PRKD1: variants seen among roughly 807,000 people sequenced by gnomAD.
PRKD1 encodes the protein protein kinase D1.
A neutral mutation model predicts 95.9 loss-of-function variants in PRKD1; 63 were observed. The observed-to-expected ratio is 0.66, with a 90% CI of 0.54 to 0.81. PRKD1 has a LOEUF of 0.81. PRKD1 is among the 30% of genes least tolerant of loss of function. The probability of loss-of-function intolerance (pLI) is 0.00; values close to 1 mark genes in which losing one functional copy is unlikely to be tolerated. For missense variants in PRKD1, 1,048 were observed against 1,165.3 expected (o/e 0.90, Z 1.47); for synonymous variants, 425 against 423.1 (o/e 1.00, Z -0.05).
chr14:29,644,771 T>A (rs1319894527), intron 4 of PRKD1, among the ~76,000 whole-genome samples: 1 of 152,110 alleles, frequency 6.6e-6, no homozygotes, highest in Non-Finnish European at 1.5e-5. Flanking sequence ...TTATACCTCA[T>A]GTATAAATAA....
intron 1 of PRKD1, among the ~76,000 whole-genome samples, chr14:29,918,129 A>T (rs1894956709): frequency 6.6e-6 from 1 of 152,110 alleles, no homozygotes; most frequent in African/African-American, 2.4e-5. Flanking sequence ...ACACAAGAAA[A>T]GATAAGTCTG....
chr14:29,658,214 C>G (rs180808317), intron 4 of PRKD1, among the ~76,000 whole-genome samples: 2 of 152,176 alleles, frequency 1.3e-5, no homozygotes, highest in Admixed American at 1.3e-4. Context: ...TCAACTTCAG[C>G]TGCATGCTGT....
intron 1 of PRKD1, among the ~76,000 whole-genome samples, chr14:29,748,577 T>C (rs778623734): frequency 6.6e-6 from 1 of 152,234 alleles, no homozygotes; most frequent in Non-Finnish European, 1.5e-5. Flanking sequence ...ACATAGGCCC[T>C]CAGCTCTTCT....
chr14:29,790,294 A>T (rs1274874907), intron 1 of PRKD1, among the ~76,000 whole-genome samples: 2 of 152,032 alleles, frequency 1.3e-5, no homozygotes, highest in East Asian at 3.9e-4. Context: ...TGTTTATGGG[A>T]TTACAAGTGT....
intron 1 of PRKD1, among the ~76,000 whole-genome samples, chr14:29,771,344 A>C (rs773058965): frequency 3.7e-4 from 56 of 152,140 alleles, no homozygotes; most frequent in Admixed American, 4.6e-4. Flanking sequence ...AACTATGTCA[A>C]ACAAGGGCTC....
chr14:29,740,273 G>C (rs920353912), intron 1 of PRKD1, among the ~76,000 whole-genome samples: 3 of 152,040 alleles, frequency 2.0e-5, no homozygotes, highest in Non-Finnish European at 4.4e-5. Flanking sequence ...TTTCATAAAG[G>C]CTAAATGTTT....
At chr14:29,711,991 C>T (rs1885355751) in intron 2 of PRKD1, among the ~76,000 whole-genome samples, 1 of 152,240 alleles carries the variant, frequency 6.6e-6, no homozygotes, top group East Asian at 1.9e-4. Context: ...TCAACTTAGA[C>T]ATTTAAACTT....
chr14:29,903,793 AG>A (rs1393017313), intron 1 of PRKD1, among the ~76,000 whole-genome samples: 1 of 152,232 alleles, frequency 6.6e-6, no homozygotes, highest in Non-Finnish European at 1.5e-5. Flanking sequence ...AAGATGGTAT[AG>A]GAAGTCCATC....
intron 1 of PRKD1, among the ~76,000 whole-genome samples, chr14:29,871,498 G>A (rs1304446524): frequency 6.6e-6 from 1 of 152,160 alleles, no homozygotes; most frequent in Non-Finnish European, 1.5e-5. Context: ...TTTTGAATCT[G>A]CCATTTAATA....
intron 1 of PRKD1, among the ~76,000 whole-genome samples, chr14:29,843,813 G>A (rs1594570682): frequency 6.6e-6 from 1 of 152,168 alleles, no homozygotes; most frequent in African/African-American, 2.4e-5. Context: ...AAATGTTATA[G>A]AGAAAACAGT....
At chr14:29,757,328 G>A (rs1280455108) in intron 1 of PRKD1, among the ~76,000 whole-genome samples, 1 of 152,168 alleles carries the variant, frequency 6.6e-6, no homozygotes, top group East Asian at 1.9e-4. Flanking sequence ...AAGAGCTGCA[G>A]AGCCATGCAG....
chr14:29,824,024 A>G (rs1364558840), intron 1 of PRKD1, among the ~76,000 whole-genome samples: 2 of 152,276 alleles, frequency 1.3e-5, no homozygotes, highest in Non-Finnish European at 1.5e-5. Flanking sequence ...TGCATTCAGT[A>G]TAATTAGAAT....
intron 1 of PRKD1, among the ~76,000 whole-genome samples, chr14:29,769,673 C>T (rs1409853229): frequency 6.6e-6 from 1 of 152,166 alleles, no homozygotes; most frequent in Non-Finnish European, 1.5e-5. Flanking sequence ...ACACCCAACC[C>T]ACTGTATATT....
intron 4 of PRKD1, among the ~76,000 whole-genome samples, chr14:29,648,292 C>T (rs1376203807): frequency 3.8e-5 from 5 of 130,126 alleles, no homozygotes; most frequent in Non-Finnish European, 4.7e-5. Flanking sequence ...TAAAGAGCAC[C>T]ACAATTTTTT....
chr14:29,661,598 T>C (rs1882194670), intron 4 of PRKD1, among the ~76,000 whole-genome samples: 1 of 152,142 alleles, frequency 6.6e-6, no homozygotes, highest in Non-Finnish European at 1.5e-5. Flanking sequence ...TTTCCTACTT[T>C]CTCAGGGATT....
At chr14:29,923,985 T>TTC (rs1445729866) in intron 1 of PRKD1, among the ~76,000 whole-genome samples, 1 of 152,142 alleles carries the variant, frequency 6.6e-6, no homozygotes, top group East Asian at 1.9e-4. Context: ...GTAACAGTGT[T>TTC]TCAAAGTGAA....
At chr14:29,633,897 T>G (rs1234303583) in intron 8 of PRKD1, among the ~76,000 whole-genome samples, 1 of 152,178 alleles carries the variant, frequency 6.6e-6, no homozygotes, top group Non-Finnish European at 1.5e-5. Flanking sequence ...TCAACTTAAC[T>G]TTGAAACGTG....
At chr14:29,905,162 G>A (rs1228523313) in intron 1 of PRKD1, among the ~76,000 whole-genome samples, 4 of 152,136 alleles carry the variant, frequency 2.6e-5, no homozygotes, top group East Asian at 1.9e-4. Flanking sequence ...AGGGTTTGGC[G>A]CTCAACCGAG....
At chr14:29,629,662 CTTT>C (rs747334415) in intron 10 of PRKD1, among the ~76,000 whole-genome samples, 14 of 151,780 alleles carry the variant, frequency 9.2e-5, no homozygotes, top group Non-Finnish European at 1.9e-4. Context: ...AAATAAATGA[CTTT>C]TTTATAGAAA....
Sources: allele counts gnomAD v4.1 joint callset (sites outside exome capture counted in the v4.1 genomes callset), GRCh38; gene constraint gnomAD v4.1.1; transcripts MANE v1.5; gene names NCBI Gene and HGNC (gene_info 2026-07-23, HGNC 2026-07-21).